The following CHI3L1 variants were observed in gnomAD, a reference collection of about 807,000 sequenced individuals.
CHI3L1 encodes the protein chitinase 3 like 1, also known as chitinase-3-like protein 1.
A neutral mutation model predicts 40.7 loss-of-function variants in CHI3L1; 30 were observed. The ratio of observed to expected loss-of-function variants is 0.74; its 90% confidence interval spans 0.55 to 1.00. CHI3L1 has a LOEUF of 1.00. Ranked by LOEUF, CHI3L1 falls within the 50% of genes least tolerant of loss-of-function variation. The probability of loss-of-function intolerance (pLI) is 0.00; values close to 1 mark genes in which losing one functional copy is unlikely to be tolerated. For missense variants in CHI3L1, 493 were observed against 492.2 expected, an observed-to-expected ratio of 1.00 and a Z score of -0.01; for synonymous variants, 210 against 192.1, an observed-to-expected ratio of 1.09 and a Z score of -0.77.
chr1:203,182,129 A>T (rs1655949812), intron 6 of CHI3L1: 1 of 152,886 alleles, frequency 6.5e-6, no homozygotes, highest in Non-Finnish European at 1.5e-5. Context: ...CCTCCCTGGG[A>T]TCCTAAAGAA....
intron 7 of CHI3L1, 48 bp from the exon 8 acceptor site, chr1:203,180,700 C>A: frequency 6.9e-7 from 1 of 1,457,924 alleles, no homozygotes; most frequent in Non-Finnish European, 9.3e-7. Context: ...TGCACAGGTG[C>A]GGAAGGTTGA....
At chr1:203,186,503 C>G in intron 1 of CHI3L1, 96 bp downstream of exon 1, 1 of 1,568,488 alleles carries the variant, frequency 6.4e-7, no homozygotes, top group Non-Finnish European at 8.8e-7. Context: ...TCTGCCCACT[C>G]CCTTAGTCCC....
intron 6 of CHI3L1, 35 bp downstream of exon 6, chr1:203,182,696 G>C: frequency 6.2e-7 from 1 of 1,613,158 alleles, no homozygotes; most frequent in East Asian, 2.2e-5. Context: ...TGTTGGCAGA[G>C]GTTCTGGGGA....
intron 6 of CHI3L1, 127 bp downstream of exon 6, chr1:203,182,604 G>T: frequency 9.3e-7 from 1 of 1,074,456 alleles, no homozygotes; most frequent in Non-Finnish European, 1.4e-6. Flanking sequence ...ACACATCAAG[G>T]CTTTGGAAGA....
Position 203,185,283 on chromosome 1 carries a change from T to A in CHI3L1, c.158A>T (p.His53Leu), listed in dbSNP as rs750409508. The A allele has an allele frequency of 1.9e-6, 3 of 1,614,086 alleles. No individual in the cohort carries two copies. In the East Asian group the frequency reaches 6.7e-5, roughly 36 times the overall value. Residue 53 changes from histidine to leucine, a missense_variant, in exon 3 of 10, where the codon CAC becomes CTC. Transcript: ENST00000255409. ...PDALDRFLCT[H>L]IIYSFANISN... ...TATATTGGCAAAGCTGTAGATGATG[T>A]GGGTACAGAGGAAGCGGTCAAGGGC...
intron 3 of CHI3L1, among the ~76,000 whole-genome samples, chr1:203,184,892 A>G (rs965155561): frequency 1.3e-5 from 2 of 152,158 alleles, no homozygotes; most frequent in Non-Finnish European, 2.9e-5. Context: ...AAGACAGAGT[A>G]TGGCAAAGTA....
At chr1:203,181,087 A>T in intron 7 of CHI3L1, 75 bp downstream of exon 7, 2 of 1,571,986 alleles carry the variant, frequency 1.3e-6, no homozygotes, top group South Asian at 1.2e-5. Flanking sequence ...AGGGCTAGAG[A>T]GATTGGTGTG....
intron 6 of CHI3L1, 121 bp downstream of exon 6, chr1:203,182,610 G>A: frequency 1.7e-6 from 2 of 1,145,494 alleles, no homozygotes; most frequent in East Asian, 2.4e-5. Flanking sequence ...CAAGGCTTTG[G>A]AAGAACTGGG....
intron 7 of CHI3L1, among the ~76,000 whole-genome samples, chr1:203,180,954 G>A (rs1655923441): frequency 6.6e-6 from 1 of 152,116 alleles, no homozygotes; most frequent in Non-Finnish European, 1.5e-5. Flanking sequence ...TCGGCCCCCT[G>A]CCCTCACTCC....
chr1:203,180,465 A>G lies in CHI3L1; in HGVS notation c.894+5T>C. ...GGAATCCTACCTTCTCCCCAACTCC[A>G]TTACCTCATAGTAGGCAAGGGTCCC... On this transcript the variant is annotated splice_donor_5th_base_variant and intron_variant, in intron 8 of 9. Transcript: ENST00000255409. The G allele has an allele frequency of 6.4e-7, 1 of 1,566,440 alleles. No homozygotes were observed. Among genetic ancestry groups the G allele is most frequent in the Non-Finnish European group, 8.6e-7 (1 of 1,161,338 alleles).
rs772980462 is a variant in CHI3L1, at chr1:203,182,778, C to T, written c.540G>A (p.Ala180=). The change falls in exon 6 of 10, where the codon GCG becomes GCA. Residue 180 remains alanine (A), a synonymous_variant. Coordinates refer to ENST00000255409, the MANE Select transcript of CHI3L1 (RefSeq NM_001276.4). ...AGCTGCTGTCAATGGTGACCTTCCC[C>T]GCAGACAGTGCTGCGCTGAGCAGGA... ...KQLLLSAALS[A]GKVTIDSSYD... is the part of the protein sequence containing the mutation. 38 of 1,614,014 alleles carry T rather than the reference C, an allele frequency of 2.4e-5. No individual in the cohort carries two copies. The highest frequency in any genetic ancestry group is 2.9e-5 in the Non-Finnish European group (34 of 1,180,026).
At chr1:203,180,129 C>A in intron 8 of CHI3L1, 1 of 574,806 alleles carries the variant, frequency 1.7e-6, no homozygotes, top group Non-Finnish European at 3.1e-6. Flanking sequence ...CTGGTTGACA[C>A]TGAGGACAGG....
In CHI3L1 at chr1:203,182,738, T is replaced by A. The variant is rs1655961694; in HGVS notation, c.580A>T (p.Ile194Leu). ...CTGGGGCAGGAGACTCACTGGGATA[T>A]CTTGGCAATGTCATAGCTGCTGTCA... Reference protein sequence around the residue: ...TIDSSYDIAKISQHLDFISIM... With the variant: ...TIDSSYDIAKLSQHLDFISIM... Residue 194 changes from isoleucine to leucine, a missense_variant, in exon 6 of 10, where the codon ATA becomes TTA. Ile to Leu is a conservative substitution (Grantham distance 5, BLOSUM62 2). Coordinates refer to ENST00000255409, the MANE Select transcript of CHI3L1 (RefSeq NM_001276.4). 2.5e-6 allele frequency: 4 copies of A among 1,613,928 alleles called. 1 individual carries two copies. Among genetic ancestry groups the A allele is most frequent in the Non-Finnish European group, 2.5e-6 (3 of 1,180,026 alleles).
rs146710176 is a variant in CHI3L1 at position 203,182,620 on chromosome 1, G to T, written c.587+111C>A. ...CACATCAAGGCTTTGGAAGAACTGG[G>T]ACTGGAAGCCCAGTGTCCTCAGTCT... is the stretch of plus-strand genomic sequence containing the variant. On this transcript the variant is annotated intron_variant, in intron 6 of 9. Transcript: ENST00000255409. 3.9e-5 allele frequency: 49 copies of T among 1,246,062 alleles called. No homozygotes were observed. The East Asian group carries it at 1.1e-3, about 28-fold the overall frequency. The allele number at this position is 1,246,062 out of a possible 1,614,324, so 77.2% of individuals were successfully genotyped here.
In CHI3L1 at chr1:203,184,507, G is replaced by A. The variant is rs964768353; in HGVS notation, c.314+69C>T. The A allele has an allele frequency of 9.1e-6, 12 of 1,312,098 alleles. No homozygotes were observed. The East Asian group carries it at 1.6e-4, about 18-fold the overall frequency. The allele number at this position is 1,312,098 out of a possible 1,614,324, so 81.3% of individuals were successfully genotyped here. ...CCTGGAACATCCATACAGTGGATGCGGGAGACCCAAGCTCCTCACTCCTAT... is the reference window on the plus strand; with the variant it reads ...CCTGGAACATCCATACAGTGGATGCAGGAGACCCAAGCTCCTCACTCCTAT... On this transcript the variant is annotated intron_variant, in intron 4 of 9. Coordinates refer to ENST00000255409, the MANE Select transcript of CHI3L1 (RefSeq NM_001276.4).
At chr1:203,184,555 C>T (rs767940063) in intron 4 of CHI3L1, 21 bp downstream of exon 4, 5 of 1,606,010 alleles carry the variant, frequency 3.1e-6, no homozygotes, top group Non-Finnish European at 4.3e-6. Context: ...TGCCGTCCTG[C>T]CCCTGGGGAG....
At position 203,179,554 on chromosome 1, in the gene CHI3L1, C is replaced by T. The variant is rs376352545; in HGVS notation, c.1043G>A (p.Gly348Asp). ...CAGGTCCAGGGCCCATACCATGGCG[C>T]CCGCCAGCTGCCTGTCCTTCAGGTA... ...VQYLKDRQLAGAMVWALDLDD... is the reference protein window; with the variant it reads ...VQYLKDRQLADAMVWALDLDD... The change falls in exon 10 of 10, where the codon GGC (glycine) becomes GAC (aspartate). Residue 348 changes from glycine to aspartate, a missense_variant. Coordinates refer to ENST00000255409, the MANE Select transcript of CHI3L1 (RefSeq NM_001276.4). 7.4e-5 allele frequency: 119 copies of T among 1,608,552 alleles called. No homozygotes were observed. Among genetic ancestry groups the T allele is most frequent in the Non-Finnish European group, 9.7e-5 (114 of 1,175,634 alleles).
In CHI3L1 at chr1:203,181,053, C is replaced by A. The variant is rs940082044; in HGVS notation, c.711+109G>T. 1.0e-5 allele frequency: 14 copies of A among 1,380,530 alleles called. No individual in the cohort carries two copies. The African/African-American group carries it at 1.8e-4, about 17-fold the overall frequency. 85.5% of individuals were successfully genotyped at this position (1,380,530 alleles called of 1,614,324 possible). On this transcript the variant is annotated intron_variant, in intron 7 of 9. Transcript: ENST00000255409. Reference sequence around the variant, plus strand: ...CTTATCTGTGGAATGGGCCTCATGACCCCCCTCTTGCAGGACTGTACTGAG... The same window carrying A: ...CTTATCTGTGGAATGGGCCTCATGAACCCCCTCTTGCAGGACTGTACTGAG...
In CHI3L1 at chr1:203,186,617, C is replaced by T. The variant is rs1441864665; in HGVS notation, c.7G>A (p.Val3Met). The T allele has an allele frequency of 6.2e-7, 1 of 1,614,166 alleles. No homozygotes were observed. Among genetic ancestry groups the T allele is most frequent in the South Asian group, 1.1e-5 (1 of 91,074 alleles). Residue 3 changes from valine to methionine, a missense_variant, in exon 1 of 10, where the codon GTG (valine) becomes ATG (methionine). Physicochemically the swap from Val to Met is conservative, Grantham distance 21. Transcript: ENST00000255409. Reference sequence around the variant, plus strand: ...CAGATACCTGTTTGAGACGCCTTCACACCCATTCTGGCTGCAGCAGAGCAG... The same window carrying T: ...CAGATACCTGTTTGAGACGCCTTCATACCCATTCTGGCTGCAGCAGAGCAG... The part of the protein sequence containing the change: MG[V>M]KASQTGFVVL...
Sources: allele counts gnomAD v4.1 joint callset (sites outside exome capture counted in the v4.1 genomes callset), GRCh38; gene constraint gnomAD v4.1.1; transcripts MANE v1.5; gene names NCBI Gene and HGNC (gene_info 2026-07-23, HGNC 2026-07-21).